PTPRD: variants seen among roughly 807,000 people sequenced by gnomAD.
The protein encoded by PTPRD is receptor-type tyrosine-protein phosphatase delta.
Under a neutral mutation model 214.5 loss-of-function variants are expected in PTPRD, and 34 were observed. The ratio of observed to expected loss-of-function variants is 0.16; its 90% CI spans 0.12 to 0.21. PTPRD has a LOEUF of 0.21. Among genes scored for constraint, PTPRD ranks in the 10% least tolerant of loss-of-function variants. The probability of loss-of-function intolerance (pLI) is 1.00; values close to 1 mark genes in which losing one functional copy is unlikely to be tolerated. For missense variants in PTPRD, 2,545 were observed against 2,398.7 expected (o/e 1.06, Z -1.27); for synonymous variants, 1,128 against 845.7 (o/e 1.33, Z -5.79).
intron 9 of PTPRD, among the ~76,000 whole-genome samples, chr9:9,275,436 G>C (rs1350475735): frequency 6.7e-6 from 1 of 150,178 alleles, no homozygotes; most frequent in East Asian, 2.0e-4. Context: ...CTGTGAGATT[G>C]AAAATATCTC....
chr9:10,368,919 T>A (rs1440480039), intron 2 of PTPRD, among the ~76,000 whole-genome samples: 1 of 152,086 alleles, frequency 6.6e-6, no homozygotes, highest in African/African-American at 2.4e-5. Context: ...CCAGAGGATA[T>A]GATTAAGCAG....
intron 10 of PTPRD, among the ~76,000 whole-genome samples, chr9:9,123,482 T>C (rs897422014): frequency 1.3e-5 from 2 of 152,154 alleles, no homozygotes; most frequent in African/African-American, 4.8e-5. Context: ...TAGTCCAGAT[T>C]AGAAAGAGAA....
At chr9:8,682,508 A>G (rs899675261) in intron 12 of PTPRD, among the ~76,000 whole-genome samples, 2 of 151,838 alleles carry the variant, frequency 1.3e-5, no homozygotes, top group African/African-American at 4.9e-5. Flanking sequence ...CAACATATAC[A>G]TTTTTGCAAT....
chr9:8,892,993 G>T (rs1292047005), intron 11 of PTPRD, among the ~76,000 whole-genome samples: 2 of 152,122 alleles, frequency 1.3e-5, no homozygotes, highest in Admixed American at 6.5e-5. Flanking sequence ...TGGTGGAATA[G>T]TTGAATCCAA....
At chr9:9,960,949 C>G (rs1401537490) in intron 4 of PTPRD, among the ~76,000 whole-genome samples, 2 of 151,760 alleles carry the variant, frequency 1.3e-5, no homozygotes, top group African/African-American at 4.8e-5. Context: ...ACAATGAACT[C>G]AAACAAATTT....
chr9:9,092,856 T>C (rs776071854), intron 10 of PTPRD, among the ~76,000 whole-genome samples: 1 of 152,044 alleles, frequency 6.6e-6, no homozygotes, highest in Non-Finnish European at 1.5e-5. Context: ...CATGTGTAAA[T>C]GTTCTAAACA....
At position 8,347,941 on chromosome 9, in the gene PTPRD, C is replaced by T. The variant is rs375894329; in HGVS notation, c.4662-5963G>A. Among the ~76,000 whole-genome samples, 429 of 152,146 alleles carry T rather than the reference C, an allele frequency of 2.8e-3. 12 individuals carry two copies. In the South Asian group the frequency reaches 0.073, roughly 26 times the overall value. On this transcript the variant is annotated intron_variant, in intron 39 of 45. Coordinates refer to ENST00000381196, the MANE Select transcript of PTPRD (RefSeq NM_002839.4). The stretch of plus-strand genomic sequence containing the variant: ...TTTCTGTTGTTTGAGCCACTCAGTT[C>T]GGAGTATTTTGTTATGGAAGCCCCA...
chr9:10,098,658 A>G (rs1395927804), intron 3 of PTPRD, among the ~76,000 whole-genome samples: 1 of 151,638 alleles, frequency 6.6e-6, no homozygotes, highest in Non-Finnish European at 1.5e-5. Context: ...TTTGGAGAAA[A>G]ACATTAGTTA....
chr9:10,025,850 T>G (rs1214713822), intron 4 of PTPRD, among the ~76,000 whole-genome samples: 4 of 152,196 alleles, frequency 2.6e-5, no homozygotes, highest in Admixed American at 1.3e-4. Context: ...AATAAACACC[T>G]GTGCTACAGT....
At chr9:8,880,331 GA>G (rs2098434454) in intron 11 of PTPRD, among the ~76,000 whole-genome samples, 2 of 152,106 alleles carry the variant, frequency 1.3e-5, no homozygotes, top group Non-Finnish European at 2.9e-5. Context: ...TTTTTCTGAG[GA>G]AGGCTTCAAT....
chr9:10,256,623 G>A (rs1050159593), intron 3 of PTPRD, among the ~76,000 whole-genome samples: 2 of 152,108 alleles, frequency 1.3e-5, no homozygotes, highest in Admixed American at 1.3e-4. Context: ...TTGTGTCAAT[G>A]ATTTGAGAAA....
At chr9:8,598,224 G>T (rs184867025) in intron 14 of PTPRD, among the ~76,000 whole-genome samples, 47 of 152,192 alleles carry the variant, frequency 3.1e-4, no homozygotes, top group African/African-American at 1.1e-3. Flanking sequence ...GGCCGAGGAG[G>T]GCAGATCACC....
At chr9:9,152,126 G>C (rs946053950) in intron 10 of PTPRD, among the ~76,000 whole-genome samples, 1 of 152,186 alleles carries the variant, frequency 6.6e-6, no homozygotes, top group Admixed American at 6.5e-5. Context: ...CGAATGAAGA[G>C]CTGGTCACTG....
At chr9:8,435,324 T>G (rs1048901605) in intron 35 of PTPRD, among the ~76,000 whole-genome samples, 2 of 152,134 alleles carry the variant, frequency 1.3e-5, no homozygotes, top group Non-Finnish European at 2.9e-5. Context: ...GGGGGTCCTC[T>G]TAGAGGTTAC....
intron 3 of PTPRD, among the ~76,000 whole-genome samples, chr9:10,120,074 G>C (rs1365947233): frequency 1.3e-5 from 2 of 152,102 alleles, no homozygotes; most frequent in African/African-American, 4.8e-5. Context: ...AAGCCACCCA[G>C]TGTCCTAGTG....
chr9:8,644,308 G>A (rs943621906), intron 12 of PTPRD, among the ~76,000 whole-genome samples: 1 of 152,148 alleles, frequency 6.6e-6, no homozygotes, highest in African/African-American at 2.4e-5. Context: ...AGGACACCCT[G>A]AGACGGAGAG....
intron 4 of PTPRD, among the ~76,000 whole-genome samples, chr9:9,994,428 A>G (rs1446294431): frequency 6.6e-6 from 1 of 152,162 alleles, no homozygotes; most frequent in Non-Finnish European, 1.5e-5. Context: ...CCCATACTGT[A>G]TATTAAAATT....
chr9:9,004,825 C>A (rs2099450855), intron 11 of PTPRD, among the ~76,000 whole-genome samples: 1 of 151,968 alleles, frequency 6.6e-6, no homozygotes. Context: ...AGCCATAGCT[C>A]AGATTCAAAA....
intron 5 of PTPRD, among the ~76,000 whole-genome samples, chr9:9,885,111 G>T (rs2070345985): frequency 6.6e-6 from 1 of 151,992 alleles, no homozygotes; most frequent in Non-Finnish European, 1.5e-5. Context: ...AAAATTCAAT[G>T]ATAGAGCTAA....
Sources: gnomAD v4.1 joint callset for allele counts (sites outside exome capture counted in the v4.1 genomes callset) on GRCh38, gnomAD v4.1.1 for gene constraint, MANE v1.5 for transcripts, NCBI Gene and HGNC (gene_info 2026-07-23, HGNC 2026-07-21) for gene names.